POLE: variants seen among roughly 807,000 people sequenced by gnomAD.
The protein encoded by POLE is DNA polymerase epsilon catalytic subunit A.
Under a neutral mutation model 279.2 loss-of-function variants are expected in POLE, and 188 were observed. The ratio of observed to expected loss-of-function variants is 0.67; its 90% CI spans 0.60 to 0.76. The LOEUF is 0.76. Ranked by LOEUF, POLE falls within the 30% of genes least tolerant of loss-of-function variation. The probability of loss-of-function intolerance (pLI) is 0.00; values close to 1 mark genes in which losing one functional copy is unlikely to be tolerated. For synonymous variants in POLE, 1,214 were observed against 1,172.5 expected, an observed-to-expected ratio of 1.04 and a Z score of -0.72; for missense variants, 2,703 against 3,016.7, an observed-to-expected ratio of 0.90 and a Z score of 2.44.
intron 9 of POLE, 152 bp from the exon 10 acceptor site, chr12:132,676,356 C>T (rs937377030): frequency 8.3e-6 from 6 of 723,110 alleles, no homozygotes; most frequent in African/African-American, 5.4e-5. Flanking sequence ...AGAAGAGACG[C>T]TCTGTGTGTG....
intron 39 of POLE, among the ~76,000 whole-genome samples, chr12:132,640,784 C>T (rs1011903294): frequency 6.6e-6 from 1 of 152,202 alleles, no homozygotes; most frequent in Non-Finnish European, 1.5e-5. Context: ...TTCTCCAGAG[C>T]GGCAGTTTGG....
At chr12:132,655,918 T>A (rs980836889) in intron 29 of POLE, among the ~76,000 whole-genome samples, 22 of 152,146 alleles carry the variant, frequency 1.4e-4, no homozygotes, top group African/African-American at 5.3e-4. Flanking sequence ...TTCCAGCACT[T>A]TGCGAGGCCA....
chr12:132,626,589 A>G (rs573292777), intron 45 of POLE, among the ~76,000 whole-genome samples: 1 of 151,050 alleles, frequency 6.6e-6, no homozygotes, highest in African/African-American at 2.4e-5. Context: ...AGAGCACTCA[A>G]CCCATTCTAT....
At position 132,675,791 on chromosome 12, in the gene POLE, G is replaced by A. The variant is rs752171701; in HGVS notation, c.1050C>T (p.His350=). ...EAHLIQRWFE[H]VQETKPTIMV... ...TGATGGTGGGTTTGGTCTCCTGGAC[G>A]TGTTCAAACCACCTTTGGATCAGAT... is the stretch of plus-strand genomic sequence containing the variant. The change falls in exon 11 of 49, where the codon CAC becomes CAT. Residue 350 remains histidine, a synonymous_variant. Coordinates refer to ENST00000320574, the MANE Select transcript of POLE (RefSeq NM_006231.4). The surrounding 1 kb of genome is among the most constrained non-coding windows in gnomAD (Gnocchi z 4.3). 9 of 1,614,014 alleles carry A rather than the reference G, an allele frequency of 5.6e-6. No individual in the cohort carries two copies. The highest frequency in any genetic ancestry group is 2.2e-5 in the South Asian group (2 of 91,086).
rs10526281 is a variant in POLE, at chr12:132,639,952, AAAAACAAAAC to A, written c.5379-664_5379-655del. 0.4 allele frequency among the ~76,000 whole-genome samples: 59,737 copies of A among 148,582 alleles called. 12,953 individuals carry two copies. The highest frequency in any genetic ancestry group is 0.69 in the East Asian group (3,395 of 4,956). ...ACAGAGTGAGACTGTCTCAAAAAAC[AAAAACAAAAC>A]AAAACAAAACAAAACAAAACAAAAC... On this transcript the variant is annotated intron_variant, in intron 39 of 48. Transcript: ENST00000320574. This position sits in a 1 kb window ranked among gnomAD's most constrained non-coding sequence, Gnocchi z 4.7.
chr12:132,648,073 G>A (rs750422735), intron 32 of POLE, among the ~76,000 whole-genome samples: 3 of 152,142 alleles, frequency 2.0e-5, no homozygotes, highest in Non-Finnish European at 2.9e-5. Context: ...GTGCTGAGCC[G>A]ACACATTAAC....
rs1327715567 is a variant in POLE, at chr12:132,668,311, G to A, written c.2173+45C>T. The A allele has an allele frequency of 2.0e-6, 3 of 1,510,266 alleles. No homozygotes were observed. The highest frequency in any genetic ancestry group is 1.8e-6 in the Non-Finnish European group (2 of 1,129,546). The allele number at this position is 1,510,266 out of a possible 1,614,324, so 93.6% of individuals were successfully genotyped here. On this transcript the variant is annotated intron_variant, in intron 19 of 48. Coordinates refer to ENST00000320574, the MANE Select transcript of POLE (RefSeq NM_006231.4). This position sits in a 1 kb window ranked among gnomAD's most constrained non-coding sequence, Gnocchi z 4.0. The stretch of plus-strand genomic sequence containing the variant: ...AGCCCAGTAAGAACAGAAAGTGGGA[G>A]CAGGAGCCACATCTTTACAGCCGTG...
At chr12:132,635,720 A>G (rs1242046440) in intron 42 of POLE, among the ~76,000 whole-genome samples, 172 bp downstream of exon 42, 1 of 152,140 alleles carries the variant, frequency 6.6e-6, no homozygotes, top group African/African-American at 2.4e-5. Context: ...CACACTCCAC[A>G]CTGACGTGCT....
At position 132,643,718 on chromosome 12, in the gene POLE, T is replaced by C. The variant is rs5744937; in HGVS notation, c.4290+119A>G. ...ACACACTGCTGACATTCACCTCACC[T>C]GTGGGAACGAGTCCACTGTCGCTGC... On this transcript the variant is annotated intron_variant, in intron 33 of 48. Transcript: ENST00000320574. 3,853 of 1,453,302 alleles carry C rather than the reference T, an allele frequency of 2.7e-3. 98 individuals carry two copies. In the African/African-American group the frequency reaches 0.045, roughly 17 times the overall value. The allele number at this position is 1,453,302 out of a possible 1,614,324, so 90.0% of individuals were successfully genotyped here.
Position 132,635,886 on chromosome 12 carries a change from G to A in POLE, c.5811+6C>T, listed in dbSNP as rs753430384. 31 of 1,607,854 alleles carry A rather than the reference G, an allele frequency of 1.9e-5. No individual in the cohort carries two copies. The highest frequency in any genetic ancestry group is 6.7e-5 in the East Asian group (3 of 44,742). On this transcript the variant is annotated splice_donor_region_variant and intron_variant, in intron 42 of 48. Transcript: ENST00000320574. ...TGGCTCGGGTGCCACACTGCAGCTC[G>A]CTTACCAGTCCACAGTGAATACGAG... is the stretch of plus-strand genomic sequence containing the variant.
At chr12:132,646,187 C>T (rs1172118092) in intron 32 of POLE, among the ~76,000 whole-genome samples, 3 of 152,166 alleles carry the variant, frequency 2.0e-5, no homozygotes, top group African/African-American at 2.4e-5. Context: ...AAAGAGTCTA[C>T]TGTCTGGTTC....
At chr12:132,666,382 C>CT (rs1349319473) in intron 20 of POLE, among the ~76,000 whole-genome samples, 1 of 152,226 alleles carries the variant, frequency 6.6e-6, no homozygotes, top group African/African-American at 2.4e-5. Context: ...GAGTTCAGGA[C>CT]TTTGAGACCA....
At chr12:132,673,360 C>A in intron 13 of POLE, 83 bp from the exon 14 acceptor site, 1 of 1,175,522 alleles carries the variant, frequency 8.5e-7, no homozygotes, top group South Asian at 1.2e-5. Context: ...CAAAGCCTGG[C>A]CTGACCAGCC....
chr12:132,627,710 C>T (rs2041863780), intron 45 of POLE, among the ~76,000 whole-genome samples: 1 of 152,186 alleles, frequency 6.6e-6, no homozygotes. Context: ...GAAATATTAA[C>T]GATCATCTGA....
chr12:132,677,318 G>T lies in POLE; in HGVS notation c.801+45C>A, dbSNP rs763492371. On this transcript the variant is annotated intron_variant, in intron 8 of 48. Transcript: ENST00000320574. ...CCAGCACTGAAGAATATTCTCTCCA[G>T]AAAACTGGAAATTTTAGGATGAAGG... 11 of 1,441,878 alleles carry T rather than the reference G, an allele frequency of 7.6e-6. No homozygotes were observed. In the Admixed American group the frequency reaches 1.8e-4, roughly 24 times the overall value. The allele number at this position is 1,441,878 out of a possible 1,614,324, so 89.3% of individuals were successfully genotyped here.
intron 31 of POLE, 83 bp downstream of exon 31, chr12:132,649,223 C>T: frequency 6.5e-7 from 1 of 1,533,240 alleles, no homozygotes. Context: ...ACCCTCCCAT[C>T]CCAGACCTCA....
intron 29 of POLE, among the ~76,000 whole-genome samples, chr12:132,654,103 C>G (rs1180963315): frequency 6.6e-6 from 1 of 151,364 alleles, no homozygotes; most frequent in African/African-American, 2.4e-5. Context: ...ACTTTCCTTT[C>G]CTGTTTTCAA....
rs1334946957 is a variant in POLE at position 132,675,420 on chromosome 12, A to G, written c.1204T>C (p.Cys402Arg). The G allele has an allele frequency of 6.2e-7, 1 of 1,614,028 alleles. No individual in the cohort carries two copies. The highest frequency in any genetic ancestry group is 8.5e-7 in the Non-Finnish European group (1 of 1,180,030). The change falls in exon 12 of 49, where the codon TGC (cysteine) becomes CGC (arginine). Residue 402 changes from cysteine to arginine, a missense_variant. By Grantham distance (180) the Cys-to-Arg change is radical. Around this residue, in one of 5 missense-constraint regions of POLE, gnomAD observed 1,011 missense variants for 1,111.7 expected, o/e 0.91. Transcript: ENST00000320574. The surrounding 1 kb of genome is among the most constrained non-coding windows in gnomAD (Gnocchi z 4.3). ...TACCTGAGGCAGTCCATGTGGATGC[A>G]CTGGGGCGCCTTGTACTCCCCCTGG... ...DSQGEYKAPQ[C>R]IHMDCLRWVK... is the part of the protein sequence containing the mutation.
At chr12:132,669,112 A>G (rs1266547320) in intron 16 of POLE, among the ~76,000 whole-genome samples, 173 bp from the exon 17 acceptor site, 5 of 152,192 alleles carry the variant, frequency 3.3e-5, no homozygotes, top group Admixed American at 6.5e-5. Context: ...TATGAAATAC[A>G]TTAAATTTGG....
Sources: allele counts gnomAD v4.1 joint callset (sites outside exome capture counted in the v4.1 genomes callset), GRCh38; gene constraint gnomAD v4.1.1; regional missense constraint gnomAD v4.1.1; non-coding constraint Gnocchi (gnomAD v3.1); transcripts MANE v1.5; gene names NCBI Gene and HGNC (gene_info 2026-07-23, HGNC 2026-07-21).